COL17A1: variants seen among roughly 807,000 people sequenced by gnomAD.
COL17A1 encodes the protein collagen alpha-1(XVII) chain.
Under a neutral mutation model 218.4 loss-of-function variants are expected in COL17A1, and 181 were observed. That is an observed-to-expected ratio of 0.83 (90% confidence interval 0.73 to 0.94). COL17A1 has a LOEUF of 0.94. Ranked by LOEUF, COL17A1 falls within the 40% of genes least tolerant of loss-of-function variation. COL17A1 has a pLI of 0.00. For synonymous variants in COL17A1, 721 were observed against 731.0 expected, an observed-to-expected ratio of 0.99 and a Z score of 0.22; for missense variants, 1,924 against 1,945.9, an observed-to-expected ratio of 0.99 and a Z score of 0.21.
chr10:104,059,549 A>G, intron 15 of COL17A1, 89 bp downstream of exon 15: 1 of 1,246,866 alleles, frequency 8.0e-7, no homozygotes. Context: ...CCCGTGGACC[A>G]CACTTTGAGT....
At chr10:104,067,391 A>C (rs1240168949) in intron 9 of COL17A1, among the ~76,000 whole-genome samples, 2 of 151,512 alleles carry the variant, frequency 1.3e-5, no homozygotes, top group South Asian at 2.1e-4. Flanking sequence ...TAGTAGGGCA[A>C]GGCCTTTTAA....
chr10:104,053,060 G>C lies in COL17A1; in HGVS notation c.1910C>G (p.Pro637Arg), dbSNP rs763247251. 1 of 1,614,144 alleles carries C rather than the reference G, an allele frequency of 6.2e-7. No homozygotes were observed. The highest frequency in any genetic ancestry group is 1.1e-5 in the South Asian group (1 of 91,086). ...GPMGPRGEAG[P>R]PGSGEKGERG... ...TTCCCCTTTCTCTCCAGATCCAGGAGGCCCTGCCTCACCACGAGGTCCCAT... is the reference window on the plus strand; with the variant it reads ...TTCCCCTTTCTCTCCAGATCCAGGACGCCCTGCCTCACCACGAGGTCCCAT... The change falls in exon 23 of 56, where the codon CCT becomes CGT. Residue 637 changes from proline to arginine, a missense_variant. Physicochemically the swap from Pro to Arg is moderately radical, Grantham distance 103 (BLOSUM62 -2). Coordinates refer to ENST00000648076, the MANE Select transcript of COL17A1 (RefSeq NM_000494.4).
intron 10 of COL17A1, 94 bp from the exon 11 acceptor site, chr10:104,063,912 G>T: frequency 1.3e-6 from 2 of 1,563,990 alleles, no homozygotes; most frequent in Non-Finnish European, 8.7e-7. Flanking sequence ...AGAAATGCCA[G>T]GATTGGGTTT....
chr10:104,080,361 C>A (rs805897), intron 2 of COL17A1, among the ~76,000 whole-genome samples: 1 of 152,272 alleles, frequency 6.6e-6, no homozygotes, highest in South Asian at 2.1e-4. Context: ...TTAGCAGAAT[C>A]CTATCCCATC....
intron 21 of COL17A1, 43 bp from the exon 22 acceptor site, chr10:104,054,025 G>A: frequency 3.1e-6 from 5 of 1,612,818 alleles, no homozygotes; most frequent in Non-Finnish European, 4.2e-6. Context: ...TTTCCTCCCA[G>A]AAGCCATCAG....
Position 104,041,487 on chromosome 10 carries a change from G to A in COL17A1, c.2603C>T (p.Pro868Leu). 2 of 1,606,956 alleles carry A rather than the reference G, an allele frequency of 1.2e-6. No homozygotes were observed. Among genetic ancestry groups the A allele is most frequent in the South Asian group, 1.1e-5 (1 of 90,212 alleles). ...PPGPPGPRGP[P>L]GPSIPGPPGP... ...CCAAAGGTCTCCAAGATACTCACCT[G>A]GTGGCCCGCGTGGGCCGGGTGGGCC... Residue 868 changes from proline (P) to leucine (L), a missense_variant and splice_region_variant, in exon 37 of 56, where the codon CCA (proline) becomes CTA (leucine). Transcript: ENST00000648076.
At chr10:104,036,916 T>C (rs2086305368) in intron 47 of COL17A1, 129 bp downstream of exon 47, 2 of 945,926 alleles carry the variant, frequency 2.1e-6, no homozygotes, top group African/African-American at 3.2e-5. Flanking sequence ...AAGTGGCTCT[T>C]TGTCCAAAGG....
rs1564673309 is a variant in COL17A1 at position 104,039,798 on chromosome 10, ACACG to A, written c.2789-162_2789-159del. Among the ~76,000 whole-genome samples, 474 of 150,642 alleles carry A rather than the reference ACACG, an allele frequency of 3.1e-3. 7 individuals are homozygous for A. Among genetic ancestry groups the A allele is most frequent in the African/African-American group, 0.011 (438 of 40,596 alleles). Reference sequence around the variant, plus strand: ...CACACACACACACACACACACACGCACACGCACACTTGCACTACACCCATGCACA... The same window carrying A: ...CACACACACACACACACACACACGCACACACTTGCACTACACCCATGCACA... On this transcript the variant is annotated intron_variant, in intron 41 of 55. Coordinates refer to ENST00000648076, the MANE Select transcript of COL17A1 (RefSeq NM_000494.4).
At chr10:104,039,201 GT>G in intron 43 of COL17A1, 80 bp from the exon 44 acceptor site, 1 of 1,415,372 alleles carries the variant, frequency 7.1e-7, no homozygotes, top group Non-Finnish European at 1.0e-6. Flanking sequence ...TTATTAGTGT[GT>G]GTCTCAACAA....
At chr10:104,059,276 G>A (rs542297391) in intron 15 of COL17A1, 6 of 319,480 alleles carry the variant, frequency 1.9e-5, no homozygotes, top group African/African-American at 4.3e-5. Flanking sequence ...GACAAAGAAC[G>A]CAGATATTTG....
In COL17A1 at chr10:104,034,725, C is replaced by G; in HGVS notation, c.3662G>C (p.Gly1221Ala). 6.2e-7 allele frequency: 1 copy of G among 1,612,258 alleles called. No homozygotes were observed. The highest frequency in any genetic ancestry group is 8.5e-7 in the Non-Finnish European group (1 of 1,179,542). The stretch of plus-strand genomic sequence containing the variant: ...CGGGGGCCCTCGAGGCCCTGGGGGA[C>G]CAGGAGGTCCTGGAGGGCCTGGGAT... ...SFIPGPPGPP[G>A]PPGPRGPPGV... The change falls in exon 51 of 56, where the codon GGT becomes GCT. Residue 1221 changes from glycine (G) to alanine (A), a missense_variant. Transcript: ENST00000648076.
chr10:104,080,748 C>T (rs763364719), intron 1 of COL17A1, 64 bp from the exon 2 acceptor site: 15 of 1,543,400 alleles, frequency 9.7e-6, no homozygotes, highest in Non-Finnish European at 1.3e-5. Flanking sequence ...TTATAGGTCC[C>T]CACTGTTGAA....
Position 104,050,078 on chromosome 10 carries a change from G to C in COL17A1, c.2164+11C>G. 1.2e-6 allele frequency: 2 copies of C among 1,614,102 alleles called. No homozygotes were observed. The highest frequency in any genetic ancestry group is 2.7e-5 in the African/African-American group (2 of 75,036). On this transcript the variant is annotated intron_variant, in intron 28 of 55. Coordinates refer to ENST00000648076, the MANE Select transcript of COL17A1 (RefSeq NM_000494.4). ...TGGATAGATTAAAGTAGATTCCCAT[G>C]ACAGACTGACCTGTGAGGCCTCGAG...
intron 3 of COL17A1, among the ~76,000 whole-genome samples, chr10:104,078,248 G>A (rs1589578940): frequency 6.6e-6 from 1 of 152,278 alleles, no homozygotes. Flanking sequence ...GTTTCCAGGG[G>A]CTGAGGAGAG....
intron 7 of COL17A1, 144 bp from the exon 8 acceptor site, chr10:104,072,223 G>C (rs1417125900): frequency 7.9e-7 from 1 of 1,266,116 alleles, no homozygotes; most frequent in Non-Finnish European, 1.1e-6. Context: ...GTGTGCCCAA[G>C]AAGAGTGCTG....
intron 45 of COL17A1, among the ~76,000 whole-genome samples, chr10:104,038,118 C>T (rs1029363257): frequency 6.6e-6 from 1 of 151,988 alleles, no homozygotes; most frequent in Admixed American, 6.6e-5. Flanking sequence ...AGGGTGTGGG[C>T]GAGGTGAGGC....
At chr10:104,080,555 T>C (rs1434839575) in intron 2 of COL17A1, 67 bp downstream of exon 2, 1 of 1,562,066 alleles carries the variant, frequency 6.4e-7, no homozygotes, top group Non-Finnish European at 8.7e-7. Context: ...GAATTACTTA[T>C]TCTGTTTCCA....
Position 104,033,381 on chromosome 10 carries a change from A to AAAC in COL17A1, c.4157-9_4157-7dup, listed in dbSNP as rs1169200820. On this transcript the variant is annotated splice_polypyrimidine_tract_variant and splice_region_variant and intron_variant, in intron 52 of 55. Coordinates refer to ENST00000648076, the MANE Select transcript of COL17A1 (RefSeq NM_000494.4). ...CCCTTGCAGTAGGCCCTGACCTGTA[A>AAAC]AACACCAGAGCTTGGGCACAGGAAG... 1 of 1,610,118 alleles carries AAAC rather than the reference A, an allele frequency of 6.2e-7. No homozygotes were observed. The highest frequency in any genetic ancestry group is 2.2e-5 in the East Asian group (1 of 44,802).
At chr10:104,059,552 C>CT in intron 15 of COL17A1, 86 bp downstream of exon 15, 1 of 1,292,040 alleles carries the variant, frequency 7.7e-7, no homozygotes, top group East Asian at 2.3e-5. Flanking sequence ...GTGGACCACA[C>CT]TTTGAGTAGC....
Sources: gnomAD v4.1 joint callset for allele counts (sites outside exome capture counted in the v4.1 genomes callset) on GRCh38, gnomAD v4.1.1 for gene constraint, MANE v1.5 for transcripts, NCBI Gene and HGNC (gene_info 2026-07-23, HGNC 2026-07-21) for gene names.